The following ANKS1B variants were observed in gnomAD, a reference collection of about 807,000 sequenced individuals.
ANKS1B encodes ankyrin repeat and sterile alpha motif domain-containing protein 1B.
A neutral mutation model predicts 148.3 loss-of-function variants in ANKS1B; 36 were observed. That is an observed-to-expected ratio of 0.24 (90% CI 0.19 to 0.32). The LOEUF is 0.32. ANKS1B is among the 10% of genes least tolerant of loss of function. The pLI, the probability that ANKS1B is intolerant of heterozygous loss-of-function variation, is 1.00. For synonymous variants in ANKS1B, 542 were observed against 560.8 expected (o/e 0.97, Z 0.47); for missense variants, 1,157 against 1,542.6 (o/e 0.75, Z 4.19).
At chr12:99,777,921 G>A (rs986996467) in intron 6 of ANKS1B, among the ~76,000 whole-genome samples, 8 of 151,624 alleles carry the variant, frequency 5.3e-5, no homozygotes, top group South Asian at 4.2e-4. Context: ...AGAGGCAGCC[G>A]GGCACGGTAG....
At chr12:98,865,596 C>T (rs779168909) in intron 17 of ANKS1B, among the ~76,000 whole-genome samples, 19 of 152,024 alleles carry the variant, frequency 1.2e-4, no homozygotes, top group Non-Finnish European at 2.6e-4. Context: ...AGTGAATAAA[C>T]GAGACAGGGA....
intron 1 of ANKS1B, among the ~76,000 whole-genome samples, chr12:99,837,129 A>C (rs938316183): frequency 6.6e-6 from 1 of 152,188 alleles, no homozygotes; most frequent in Non-Finnish European, 1.5e-5. Context: ...CGGCACAGTC[A>C]AAAAGACTCA....
At chr12:98,753,438 T>C (rs547359567) in intron 25 of ANKS1B, among the ~76,000 whole-genome samples, 1 of 152,290 alleles carries the variant, frequency 6.6e-6, no homozygotes, top group Non-Finnish European at 1.5e-5. Flanking sequence ...TTTTTTCTTT[T>C]TTTTTTGAGA....
At chr12:99,118,124 G>GA (rs1040469473) in intron 15 of ANKS1B, among the ~76,000 whole-genome samples, 6 of 152,160 alleles carry the variant, frequency 3.9e-5, no homozygotes, top group South Asian at 4.1e-4. Context: ...TCTTTGCAGA[G>GA]AAAATCCCAA....
At chr12:98,959,537 G>A (rs1218447985) in intron 17 of ANKS1B, among the ~76,000 whole-genome samples, 5 of 152,176 alleles carry the variant, frequency 3.3e-5, no homozygotes, top group Non-Finnish European at 7.3e-5. Context: ...CAAGATGGCT[G>A]AACAAAAGCT....
In ANKS1B at chr12:98,852,749, T is replaced by A. The variant is rs980826115; in HGVS notation, c.2779-20613A>T. Among the ~76,000 whole-genome samples, 3 of 151,922 alleles carry A rather than the reference T, an allele frequency of 2.0e-5. No individual in the cohort carries two copies. The South Asian group carries it at 6.3e-4, about 32-fold the overall frequency. On this transcript the variant is annotated intron_variant, in intron 17 of 26. Transcript: ENST00000683438. The stretch of plus-strand genomic sequence containing the variant: ...TTTCTGCCACAAAGCCTGAGCTTTT[T>A]CCCCCCCTCCATCCATCAAATTGCC...
At chr12:99,415,694 T>G (rs774453669) in intron 11 of ANKS1B, among the ~76,000 whole-genome samples, 63 of 151,840 alleles carry the variant, frequency 4.1e-4, no homozygotes, top group Non-Finnish European at 7.5e-4. Flanking sequence ...CCCATTGCCC[T>G]TTTTTTTGAG....
At chr12:99,842,631 ATTT>A (rs774004697) in intron 1 of ANKS1B, among the ~76,000 whole-genome samples, 1 of 151,768 alleles carries the variant, frequency 6.6e-6, no homozygotes, top group Non-Finnish European at 1.5e-5. Flanking sequence ...CCTCTTGGTA[ATTT>A]TCCATCCACT....
chr12:99,702,420 C>T (rs1426403215), intron 8 of ANKS1B, among the ~76,000 whole-genome samples: 5 of 152,036 alleles, frequency 3.3e-5, no homozygotes, highest in Middle Eastern at 3.2e-3. Context: ...TGTTTGAGTT[C>T]CTTATACACT....
At chr12:99,531,387 G>A (rs1379753107) in intron 9 of ANKS1B, among the ~76,000 whole-genome samples, 1 of 152,124 alleles carries the variant, frequency 6.6e-6, no homozygotes, top group Non-Finnish European at 1.5e-5. Context: ...TGAGTCTCCA[G>A]TGTCAACTAC....
chr12:99,767,268 G>A (rs1049419700), intron 8 of ANKS1B, among the ~76,000 whole-genome samples: 5 of 152,054 alleles, frequency 3.3e-5, no homozygotes, highest in African/African-American at 9.7e-5. Context: ...ACCTGCCAAT[G>A]CAACCCCTTT....
chr12:99,633,081 C>A (rs2098189407), intron 9 of ANKS1B, among the ~76,000 whole-genome samples: 1 of 151,608 alleles, frequency 6.6e-6, no homozygotes, highest in Non-Finnish European at 1.5e-5. Flanking sequence ...CTACAAAGGA[C>A]ATGAACTCAT....
chr12:99,618,423 G>C (rs2098000240), intron 9 of ANKS1B, among the ~76,000 whole-genome samples: 1 of 152,104 alleles, frequency 6.6e-6, no homozygotes, highest in Admixed American at 6.6e-5. Flanking sequence ...CTTGGAAGTA[G>C]CATAAAAATA....
chr12:99,631,237 A>T (rs2098157612), intron 9 of ANKS1B, among the ~76,000 whole-genome samples: 1 of 152,194 alleles, frequency 6.6e-6, no homozygotes, highest in Non-Finnish European at 1.5e-5. Flanking sequence ...ACCATAAAAT[A>T]CAAATTTATT....
chr12:99,780,748 G>GT (rs765452561), intron 5 of ANKS1B, among the ~76,000 whole-genome samples: 5 of 152,140 alleles, frequency 3.3e-5, no homozygotes, highest in Non-Finnish European at 7.4e-5. Context: ...CATGTACCAT[G>GT]TAAGTAACAT....
At chr12:98,996,973 G>A (rs534887134) in intron 17 of ANKS1B, among the ~76,000 whole-genome samples, 2 of 151,990 alleles carry the variant, frequency 1.3e-5, no homozygotes, top group Non-Finnish European at 2.9e-5. Context: ...TTTCAGATGG[G>A]CTATGTTAGT....
intron 1 of ANKS1B, among the ~76,000 whole-genome samples, chr12:99,853,314 ACC>A (rs2088309830): frequency 6.6e-6 from 1 of 151,704 alleles, no homozygotes; most frequent in Non-Finnish European, 1.5e-5. Context: ...ACAACCAAGG[ACC>A]CCCATAGAGT....
intron 1 of ANKS1B, among the ~76,000 whole-genome samples, chr12:99,877,798 T>G (rs1165885252): frequency 6.6e-6 from 1 of 152,210 alleles, no homozygotes; most frequent in Non-Finnish European, 1.5e-5. Context: ...TGACCACACC[T>G]GTAATCCCAA....
intron 12 of ANKS1B, among the ~76,000 whole-genome samples, chr12:99,371,844 T>C (rs2093153123): frequency 6.6e-6 from 1 of 152,138 alleles, no homozygotes; most frequent in Admixed American, 6.6e-5. Context: ...AAGAATAAAT[T>C]ATTAATAAAT....
Sources: allele counts gnomAD v4.1 joint callset (sites outside exome capture counted in the v4.1 genomes callset), GRCh38; gene constraint gnomAD v4.1.1; transcripts MANE v1.5; gene names NCBI Gene and HGNC (gene_info 2026-07-23, HGNC 2026-07-21).